The following NEBL variants were observed in gnomAD, a reference collection of about 807,000 sequenced individuals.
NEBL encodes the protein LIM and SH3 protein 2.
Under a neutral mutation model 140.2 loss-of-function variants are expected in NEBL, and 122 were observed. The ratio of observed to expected loss-of-function variants is 0.87; its 90% CI spans 0.75 to 1.01. NEBL has a LOEUF of 1.01. Ranked by LOEUF, NEBL falls within the 50% of genes least tolerant of loss-of-function variation. NEBL has a pLI of 0.00. For synonymous variants in NEBL, 436 were observed against 398.9 expected (o/e 1.09, Z -1.11); for missense variants, 1,365 against 1,231.3 (o/e 1.11, Z -1.62).
chr10:20,914,944 T>C (rs1345794981), intron 4 of NEBL, among the ~76,000 whole-genome samples: 1 of 149,718 alleles, frequency 6.7e-6, no homozygotes, highest in African/African-American at 2.5e-5. Flanking sequence ...GCAATTCTCC[T>C]ACCTCTGCCT....
At chr10:20,920,222 TGGA>T (rs2131497194) in intron 4 of NEBL, among the ~76,000 whole-genome samples, 1 of 152,338 alleles carries the variant, frequency 6.6e-6, no homozygotes, top group East Asian at 1.9e-4. Context: ...TCAACCCCAG[TGGA>T]GGAGAATTTG....
intron 4 of NEBL, among the ~76,000 whole-genome samples, chr10:20,941,118 G>A (rs1184028360): frequency 6.6e-6 from 1 of 152,098 alleles, no homozygotes; most frequent in Non-Finnish European, 1.5e-5. Flanking sequence ...CCAAAGCCTG[G>A]CAGAGACACA....
At chr10:20,909,653 T>C (rs931505852) in intron 4 of NEBL, among the ~76,000 whole-genome samples, 2 of 152,208 alleles carry the variant, frequency 1.3e-5, no homozygotes, top group African/African-American at 4.8e-5. Flanking sequence ...TAGTGACTTT[T>C]ATACTATACA....
chr10:20,894,387 C>T (rs1402864085), intron 2 of NEBL, among the ~76,000 whole-genome samples: 1 of 151,896 alleles, frequency 6.6e-6, no homozygotes, highest in South Asian at 2.1e-4. Flanking sequence ...GCTGGAGAAT[C>T]ACTTGAGCCC....
chr10:21,005,835 CT>C (rs545656082), intron 3 of NEBL, among the ~76,000 whole-genome samples: 5,430 of 143,360 alleles, frequency 0.038, 286 homozygotes, highest in African/African-American at 0.12. Context: ...CATACTAACA[CT>C]TTTTTTTTTT....
At chr10:20,971,012 T>G (rs1836545826) in intron 3 of NEBL, among the ~76,000 whole-genome samples, 1 of 152,204 alleles carries the variant, frequency 6.6e-6, no homozygotes. Flanking sequence ...CTAAAATTAG[T>G]TAATTTATTA....
intron 4 of NEBL, among the ~76,000 whole-genome samples, chr10:20,909,492 A>C (rs1045235273): frequency 1.3e-5 from 2 of 152,194 alleles, no homozygotes; most frequent in African/African-American, 4.8e-5. Context: ...TACTTTTAAG[A>C]GGCAGATTTT....
intron 3 of NEBL, among the ~76,000 whole-genome samples, chr10:21,002,419 C>G (rs2091062856): frequency 6.6e-6 from 1 of 152,064 alleles, no homozygotes; most frequent in African/African-American, 2.4e-5. Context: ...TTTACCATGT[C>G]AAAGGTCTGT....
chr10:20,974,242 AGTT>A (rs1362593668), intron 3 of NEBL, among the ~76,000 whole-genome samples: 1 of 150,258 alleles, frequency 6.7e-6, no homozygotes, highest in Non-Finnish European at 1.5e-5. Context: ...ACCATCGCTT[AGTT>A]TTTTTTCTTT....
At chr10:20,987,077 T>A (rs1441280333) in intron 3 of NEBL, among the ~76,000 whole-genome samples, 2 of 152,218 alleles carry the variant, frequency 1.3e-5, no homozygotes, top group Non-Finnish European at 2.9e-5. Flanking sequence ...GTGGATTAAA[T>A]GGGTAAAAAT....
intron 2 of NEBL, among the ~76,000 whole-genome samples, chr10:21,101,042 G>C (rs937139559): frequency 2.0e-5 from 3 of 152,112 alleles, no homozygotes; most frequent in Non-Finnish European, 4.4e-5. Flanking sequence ...AGAGACACAG[G>C]GGAGGTTATT....
intron 2 of NEBL, among the ~76,000 whole-genome samples, chr10:21,101,923 G>A (rs2131992065): frequency 6.6e-6 from 1 of 152,328 alleles, no homozygotes; most frequent in East Asian, 1.9e-4. Flanking sequence ...TATTTACTGA[G>A]CACCACTGTG....
intron 3 of NEBL, among the ~76,000 whole-genome samples, chr10:21,236,611 A>G (rs1469264244): frequency 6.6e-6 from 1 of 152,118 alleles, no homozygotes; most frequent in Non-Finnish European, 1.5e-5. Flanking sequence ...GGCCTCCCAA[A>G]GTGCTAGGAT....
chr10:21,215,636 C>G (rs1841980706), intron 3 of NEBL, among the ~76,000 whole-genome samples: 2 of 152,114 alleles, frequency 1.3e-5, no homozygotes, highest in Admixed American at 1.3e-4. Context: ...ATATTTTCCA[C>G]AGACTAGTTT....
intron 1 of NEBL, among the ~76,000 whole-genome samples, chr10:21,268,860 C>A (rs1190187994): frequency 1.3e-5 from 2 of 152,088 alleles, no homozygotes; most frequent in Non-Finnish European, 2.9e-5. Flanking sequence ...ACTTTGGAAA[C>A]AAGAAGATAG....
intron 2 of NEBL, among the ~76,000 whole-genome samples, chr10:21,249,835 G>A (rs2132271614): frequency 6.6e-6 from 1 of 152,130 alleles, no homozygotes; most frequent in South Asian, 2.1e-4. Flanking sequence ...AGGCTGAGGT[G>A]GGTGGATCAC....
intron 3 of NEBL, chr10:21,020,041 G>T: frequency 7.8e-7 from 1 of 1,283,240 alleles, no homozygotes; most frequent in Non-Finnish European, 1.1e-6. Flanking sequence ...ACAGTACGAA[G>T]ACAAGAATCT....
chr10:21,186,575 A>T (rs1841475184), intron 3 of NEBL, among the ~76,000 whole-genome samples: 1 of 152,100 alleles, frequency 6.6e-6, no homozygotes, highest in Non-Finnish European at 1.5e-5. Flanking sequence ...CATGGCCTAC[A>T]TGTCACATGC....
chr10:20,977,660 A>AC, intron 3 of NEBL, among the ~76,000 whole-genome samples: 1 of 151,904 alleles, frequency 6.6e-6, no homozygotes, highest in East Asian at 1.9e-4. Flanking sequence ...CAATCAAAAG[A>AC]CCCCGCACTG....
Sources: gnomAD v4.1 joint callset for allele counts (sites outside exome capture counted in the v4.1 genomes callset) on GRCh38, gnomAD v4.1.1 for gene constraint, MANE v1.5 for transcripts, NCBI Gene and HGNC (gene_info 2026-07-23, HGNC 2026-07-21) for gene names.